The following NLGN4Y variants were observed in gnomAD, a reference collection of about 807,000 sequenced individuals.
NLGN4Y encodes neuroligin-4, Y-linked.
Under a neutral mutation model 8.4 loss-of-function variants are expected in NLGN4Y, and 4 were observed. That is an observed-to-expected ratio of 0.48 (90% CI 0.23 to 1.09). NLGN4Y has a LOEUF of 1.09. Among genes scored for constraint, NLGN4Y ranks in the 50% least tolerant of loss-of-function variants. The pLI, the probability that NLGN4Y is intolerant of heterozygous loss-of-function variation, is 0.19. For synonymous variants in NLGN4Y, 35 were observed against 75.6 expected (o/e 0.46, Z 2.78); for missense variants, 90 against 192.3 (o/e 0.47, Z 3.15).
chrY:14,611,859 C>T (rs774004745), intron 1 of NLGN4Y, among the ~76,000 whole-genome samples: 15 of 32,631 alleles, frequency 4.6e-4, no homozygotes, highest in African/African-American at 1.8e-3. Flanking sequence ...ACAAGTTCTC[C>T]TGGATAATAT....
chrY:14,552,020 G>A, intron 1 of NLGN4Y, among the ~76,000 whole-genome samples: 1 of 33,065 alleles, frequency 3.0e-5, no homozygotes, highest in South Asian at 6.8e-4. Flanking sequence ...AATAAAATAG[G>A]TGGACCACTA....
chrY:14,701,407 T>C, intron 2 of NLGN4Y, among the ~76,000 whole-genome samples: 1 of 33,476 alleles, frequency 3.0e-5, no homozygotes, highest in Non-Finnish European at 7.4e-5. Context: ...TAGCATGATA[T>C]AGTAATTTCC....
chrY:14,690,891 CAT>C (rs2080807812), intron 2 of NLGN4Y, among the ~76,000 whole-genome samples: 1 of 32,843 alleles, frequency 3.0e-5, no homozygotes, highest in Non-Finnish European at 7.5e-5. Context: ...ATGCAACACA[CAT>C]GTTTTAAGGT....
At chrY:14,529,950 TAC>T (rs2080105783) in intron 1 of NLGN4Y, among the ~76,000 whole-genome samples, 1 of 26,342 alleles carries the variant, frequency 3.8e-5, no homozygotes, top group African/African-American at 1.5e-4. Flanking sequence ...TGTATATATA[TAC>T]ACACACATAT....
At chrY:14,719,644 T>C in intron 3 of NLGN4Y, 126 bp downstream of exon 3, 1 of 99,248 alleles carries the variant, frequency 1.0e-5, no homozygotes, top group Non-Finnish European at 1.9e-5. Context: ...TGTGTGCTTC[T>C]TTATTTTCTT....
intron 6 of NLGN4Y, among the ~76,000 whole-genome samples, chrY:14,837,885 A>C: frequency 1.2e-4 from 4 of 33,441 alleles, no homozygotes; most frequent in African/African-American, 4.7e-4. Context: ...CTAATAGTCA[A>C]CATGAACAGA....
intron 2 of NLGN4Y, among the ~76,000 whole-genome samples, chrY:14,700,922 G>T (rs1035246603): frequency 6.1e-5 from 2 of 33,021 alleles, no homozygotes; most frequent in Non-Finnish European, 1.5e-4. Flanking sequence ...TCCAGCACCA[G>T]TAGCATGTAT....
intron 4 of NLGN4Y, among the ~76,000 whole-genome samples, chrY:14,796,964 G>A (rs2150582022): frequency 1.8e-4 from 6 of 33,216 alleles, no homozygotes; most frequent in African/African-American, 7.0e-4. Context: ...CAAATTGGTT[G>A]CATTTTTCAT....
chrY:14,527,477 T>C, intron 1 of NLGN4Y, among the ~76,000 whole-genome samples: 2 of 34,097 alleles, frequency 5.9e-5, no homozygotes, highest in Non-Finnish European at 1.5e-4. Flanking sequence ...TTTTTAACAA[T>C]ATGTATTCTA....
chrY:14,777,754 A>G (rs922909739), intron 4 of NLGN4Y, among the ~76,000 whole-genome samples: 1 of 31,951 alleles, frequency 3.1e-5, no homozygotes, highest in Non-Finnish European at 7.6e-5. Flanking sequence ...ACCAGACACA[A>G]TGGCTCATGC....
intron 4 of NLGN4Y, among the ~76,000 whole-genome samples, chrY:14,796,005 T>C: frequency 1.6e-4 from 5 of 32,223 alleles, no homozygotes; most frequent in Non-Finnish European, 3.0e-4. Context: ...GGGATGAATC[T>C]GTTACAACAT....
intron 1 of NLGN4Y, among the ~76,000 whole-genome samples, chrY:14,530,738 A>C: frequency 8.8e-5 from 3 of 33,952 alleles, no homozygotes; most frequent in Non-Finnish European, 2.2e-4. Flanking sequence ...CGGTGCCCAA[A>C]GGCTGGCCTG....
chrY:14,795,447 T>C (rs2043002946), intron 4 of NLGN4Y, among the ~76,000 whole-genome samples: 1 of 33,455 alleles, frequency 3.0e-5, no homozygotes, highest in South Asian at 6.8e-4. Flanking sequence ...ATTTGTTATA[T>C]ATTAATCATT....
At chrY:14,617,197 T>C in intron 1 of NLGN4Y, among the ~76,000 whole-genome samples, 1 of 31,282 alleles carries the variant, frequency 3.2e-5, no homozygotes, top group Non-Finnish European at 7.7e-5. Flanking sequence ...CATTATATAA[T>C]GGCCTTCTTT....
At chrY:14,718,292 T>C (rs1340594976) in intron 2 of NLGN4Y, among the ~76,000 whole-genome samples, 2 of 34,067 alleles carry the variant, frequency 5.9e-5, no homozygotes, top group Non-Finnish European at 1.5e-4. Context: ...TTTTGAGTTA[T>C]GTAGAACTGG....
chrY:14,534,824 G>A, intron 1 of NLGN4Y, among the ~76,000 whole-genome samples: 2 of 29,135 alleles, frequency 6.9e-5, no homozygotes, highest in Admixed American at 6.7e-4. Flanking sequence ...CTCATGTCCT[G>A]TCAAAAATTA....
chrY:14,572,475 A>T, intron 1 of NLGN4Y, among the ~76,000 whole-genome samples: 3 of 31,405 alleles, frequency 9.6e-5, no homozygotes, highest in African/African-American at 3.8e-4. Flanking sequence ...GAAGTTGCCT[A>T]TGAGTTTAAG....
chrY:14,815,726 C>T, intron 4 of NLGN4Y, among the ~76,000 whole-genome samples: 1 of 33,286 alleles, frequency 3.0e-5, no homozygotes, highest in Non-Finnish European at 7.4e-5. Context: ...GATTCCATGT[C>T]CTGTTAGGGT....
At chrY:14,696,291 T>C in intron 2 of NLGN4Y, among the ~76,000 whole-genome samples, 3 of 32,377 alleles carry the variant, frequency 9.3e-5, no homozygotes, top group Non-Finnish European at 2.3e-4. Context: ...AATACTCCAA[T>C]ATATAAATTT....
Sources: allele counts gnomAD v4.1 joint callset (sites outside exome capture counted in the v4.1 genomes callset), GRCh38; gene constraint gnomAD v4.1.1; transcripts MANE v1.5; gene names NCBI Gene and HGNC (gene_info 2026-07-23, HGNC 2026-07-21).